The following SLC24A2 variants were observed in gnomAD, a reference collection of about 807,000 sequenced individuals.
SLC24A2 encodes the protein sodium/potassium/calcium exchanger 2.
In SLC24A2, 36 loss-of-function variants were observed where a neutral mutation model predicts 62.0. The ratio of observed to expected loss-of-function variants is 0.58; its 90% CI spans 0.44 to 0.77. SLC24A2 has a LOEUF of 0.77. Ranked by LOEUF, SLC24A2 falls within the 30% of genes least tolerant of loss-of-function variation. The pLI is 0.00. For missense variants in SLC24A2, 846 were observed against 817.9 expected (o/e 1.03, Z -0.42); for synonymous variants, 358 against 294.0 (o/e 1.22, Z -2.23).
chr9:19,820,679 T>C, the SLC24A2 span, among the ~76,000 whole-genome samples: 2 of 151,826 alleles, frequency 1.3e-5, no homozygotes, highest in Non-Finnish European at 2.9e-5. Context: ...AACTAAGGAT[T>C]CTGTGTGTGT....
rs186197998 is a variant in SLC24A2 at position 19,657,259 on chromosome 9, T to C, written c.931-34960A>G. On this transcript the variant is annotated intron_variant, in intron 2 of 10. Coordinates refer to ENST00000341998, the MANE Select transcript of SLC24A2 (RefSeq NM_020344.4). ...CAACCTGGCACTCCATCGTCCACCA[T>C]TATTGTTTTAAATCTTATTTCCTCT... Among the ~76,000 whole-genome samples, 3 of 152,306 alleles carry C rather than the reference T, an allele frequency of 2.0e-5. No homozygotes were observed. In the East Asian group the frequency reaches 5.8e-4, roughly 29 times the overall value.
chr9:20,081,012 A>G, the SLC24A2 span, among the ~76,000 whole-genome samples: 96 of 152,272 alleles, frequency 6.3e-4, 2 homozygotes, highest in South Asian at 0.019. Context: ...AAATAGGAAC[A>G]CTTTTACAAT....
At chr9:20,263,322 G>A in the SLC24A2 span, among the ~76,000 whole-genome samples, 1 of 152,112 alleles carries the variant, frequency 6.6e-6, no homozygotes, top group Non-Finnish European at 1.5e-5. Context: ...ATGTGATTAT[G>A]GCTACTGTAG....
chr9:20,152,762 TCTC>T, the SLC24A2 span, among the ~76,000 whole-genome samples: 1 of 151,756 alleles, frequency 6.6e-6, no homozygotes, highest in African/African-American at 2.4e-5. Flanking sequence ...CTCTGTAACC[TCTC>T]CTCCTTCCTC....
chr9:19,844,622 G>A, the SLC24A2 span, among the ~76,000 whole-genome samples: 10 of 151,902 alleles, frequency 6.6e-5, no homozygotes, highest in Non-Finnish European at 1.0e-4. Flanking sequence ...TGTTTCTTAG[G>A]TTTTCTTCTG....
the SLC24A2 span, among the ~76,000 whole-genome samples, chr9:20,045,887 C>A: frequency 5.3e-5 from 8 of 152,148 alleles, no homozygotes; most frequent in Non-Finnish European, 7.3e-5. Flanking sequence ...TGCCCAAGAG[C>A]CAGTGAGTGA....
chr9:19,691,958 T>C (rs115447003), intron 2 of SLC24A2, among the ~76,000 whole-genome samples: 159 of 152,202 alleles, frequency 1.0e-3, no homozygotes, highest in African/African-American at 3.6e-3. Context: ...GGGAAGATTG[T>C]TTGCAAGCAA....
At chr9:19,704,419 AAGAC>A (rs879548010) in intron 2 of SLC24A2, among the ~76,000 whole-genome samples, 3 of 152,108 alleles carry the variant, frequency 2.0e-5, no homozygotes, top group African/African-American at 7.2e-5. Context: ...GTGTATGTGC[AAGAC>A]AGACAGATGG....
the SLC24A2 span, among the ~76,000 whole-genome samples, chr9:19,908,024 A>C: frequency 6.6e-6 from 1 of 152,094 alleles, no homozygotes; most frequent in Non-Finnish European, 1.5e-5. Context: ...CCCGCATCAC[A>C]AAGTCAATCC....
At chr9:19,652,201 C>T (rs1587100095) in intron 2 of SLC24A2, among the ~76,000 whole-genome samples, 3 of 152,244 alleles carry the variant, frequency 2.0e-5, no homozygotes, top group African/African-American at 7.2e-5. Flanking sequence ...TAGGGTACTT[C>T]CTCTAGCTCC....
rs979073520 is a variant in SLC24A2 at position 19,630,214 on chromosome 9, G to T, written c.931-7915C>A. Among the ~76,000 whole-genome samples the T allele has an allele frequency of 1.1e-3, 163 of 152,022 alleles. 2 individuals carry two copies. The highest frequency in any genetic ancestry group is 3.2e-4 in the Non-Finnish European group (22 of 67,984). On this transcript the variant is annotated intron_variant, in intron 2 of 10. Coordinates refer to ENST00000341998, the MANE Select transcript of SLC24A2 (RefSeq NM_020344.4). ...AATTCTAGATTTAGCATCTATTCTT[G>T]TTTAGAGAGAAGCTGGCAAAGACTA... is the stretch of plus-strand genomic sequence containing the variant.
chr9:19,758,814 C>T (rs995448095), intron 2 of SLC24A2, among the ~76,000 whole-genome samples: 16 of 152,162 alleles, frequency 1.1e-4, no homozygotes, highest in Admixed American at 3.3e-4. Flanking sequence ...TCACTTCCTG[C>T]TTATCACTGC....
rs1216209331 is a variant in SLC24A2 at position 19,514,714 on chromosome 9, G to C, written c.*1439C>G. On this transcript the variant is annotated 3_prime_UTR_variant, in exon 11 of 11. Transcript: ENST00000341998. ...CAAATACCGTGTACTCTAAAACTTA[G>C]ACAGAATCCCAGATAAGGTCTTGAT... 1 of 152,122 alleles carries C rather than the reference G, an allele frequency of 6.6e-6. No individual in the cohort carries two copies. The highest frequency in any genetic ancestry group is 2.4e-5 in the African/African-American group (1 of 41,438). The allele number at this position is 152,122 out of a possible 1,614,324, so 9.4% of individuals were successfully genotyped here. A position where few individuals can be genotyped will look rare whatever the true frequency, so the allele number is the denominator to read the frequency against.
intron 5 of SLC24A2, among the ~76,000 whole-genome samples, chr9:19,590,653 C>T (rs1836524590): frequency 1.3e-5 from 2 of 152,104 alleles, no homozygotes; most frequent in East Asian, 1.9e-4. Flanking sequence ...TCTGTGATGA[C>T]TTTTTTTAGG....
intron 4 of SLC24A2, among the ~76,000 whole-genome samples, chr9:19,612,196 C>T (rs142770897): frequency 6.6e-6 from 1 of 152,300 alleles, no homozygotes; most frequent in Admixed American, 6.5e-5. Context: ...ATCACTATTA[C>T]TCTCTGGAGC....
At chr9:19,528,374 A>C (rs1182788753) in intron 8 of SLC24A2, among the ~76,000 whole-genome samples, 2 of 152,200 alleles carry the variant, frequency 1.3e-5, no homozygotes, top group African/African-American at 4.8e-5. Context: ...TGAGATGGAA[A>C]TCTTGAAGAG....
the SLC24A2 span, among the ~76,000 whole-genome samples, chr9:20,290,371 G>GT: frequency 1.3e-5 from 2 of 152,228 alleles, no homozygotes; most frequent in Non-Finnish European, 1.5e-5. Context: ...CTGATGTACA[G>GT]TTTCTTGTCA....
intron 2 of SLC24A2, among the ~76,000 whole-genome samples, chr9:19,772,820 C>G (rs979434808): frequency 6.6e-6 from 1 of 152,112 alleles, no homozygotes; most frequent in Non-Finnish European, 1.5e-5. Flanking sequence ...GAACACATGA[C>G]CCAGCAATTC....
chr9:20,175,021 A>T, the SLC24A2 span, among the ~76,000 whole-genome samples: 1 of 150,636 alleles, frequency 6.6e-6, no homozygotes, highest in African/African-American at 2.4e-5. Context: ...AATTTTTTAT[A>T]TATATATATA....
Sources: gnomAD v4.1 joint callset for allele counts (sites outside exome capture counted in the v4.1 genomes callset) on GRCh38, gnomAD v4.1.1 for gene constraint, MANE v1.5 for transcripts, NCBI Gene and HGNC (gene_info 2026-07-23, HGNC 2026-07-21) for gene names.